The following HACE1 variants were observed in gnomAD, a reference collection of about 807,000 sequenced individuals.
The protein encoded by HACE1 is HECT domain and ankyrin repeat containing E3 ubiquitin protein ligase 1, also known as E3 ubiquitin-protein ligase HACE1.
HACE1 carries 73 observed loss-of-function variants against 118.4 expected under a neutral mutation model. That is an observed-to-expected ratio of 0.62 (90% confidence interval 0.51 to 0.75). The LOEUF is 0.75. Ranked by LOEUF, HACE1 falls within the 30% of genes least tolerant of loss-of-function variation. The pLI, the probability that HACE1 is intolerant of heterozygous loss-of-function variation, is 0.00. For missense variants in HACE1, 749 were observed against 1,102.2 expected (o/e 0.68, Z 4.54); for synonymous variants, 368 against 374.8 (o/e 0.98, Z 0.21).
Position 104,837,082 on chromosome 6 carries a change from C to T in HACE1, c.403-3909G>A, listed in dbSNP as rs1774618702. On this transcript the variant is annotated intron_variant, in intron 5 of 23. Transcript: ENST00000262903. Reference sequence around the variant, plus strand: ...AAGATAACAATTCTCCCCAAATTGACCTATCAGTTTAAAGCAACTCCAATC... The same window carrying T: ...AAGATAACAATTCTCCCCAAATTGATCTATCAGTTTAAAGCAACTCCAATC... Among the ~76,000 whole-genome samples, 4 of 152,108 alleles carry T rather than the reference C, an allele frequency of 2.6e-5. No homozygotes were observed. The South Asian group carries it at 8.3e-4, about 32-fold the overall frequency.
chr6:104,837,551 T>C (rs1198278362), intron 5 of HACE1, among the ~76,000 whole-genome samples: 1 of 151,924 alleles, frequency 6.6e-6, no homozygotes, highest in Non-Finnish European at 1.5e-5. Context: ...TAGAAAAAAA[T>C]ATATGAGACA....
intron 1 of HACE1, chr6:104,858,573 A>G: frequency 6.4e-6 from 2 of 314,278 alleles, no homozygotes; most frequent in Middle Eastern, 4.0e-4. Flanking sequence ...AAAGTACCCA[A>G]TCCCACATTT....
chr6:104,808,061 C>T (rs947359351), intron 7 of HACE1, among the ~76,000 whole-genome samples: 1 of 152,094 alleles, frequency 6.6e-6, no homozygotes, highest in Non-Finnish European at 1.5e-5. Flanking sequence ...TGGCGCATGC[C>T]TGTAATGCCA....
intron 6 of HACE1, among the ~76,000 whole-genome samples, chr6:104,816,485 T>C (rs1772130553): frequency 1.3e-5 from 2 of 152,208 alleles, no homozygotes; most frequent in Admixed American, 6.5e-5. Flanking sequence ...CACGTGGTGT[T>C]GGGCCTGCAG....
intron 6 of HACE1, 62 bp downstream of exon 6, chr6:104,832,980 T>C: frequency 6.8e-7 from 1 of 1,480,598 alleles, no homozygotes. Context: ...TGAAAAACTT[T>C]TCATGAAATC....
chr6:104,797,522 A>G (rs968881847), intron 7 of HACE1, among the ~76,000 whole-genome samples: 1 of 152,088 alleles, frequency 6.6e-6, no homozygotes, highest in Non-Finnish European at 1.5e-5. Context: ...AAGGAAGGAG[A>G]AAAGTAAAAC....
chr6:104,823,344 G>C (rs1394282377), intron 6 of HACE1, among the ~76,000 whole-genome samples: 1 of 151,582 alleles, frequency 6.6e-6, no homozygotes, highest in African/African-American at 2.4e-5. Context: ...TGACGCAGGA[G>C]AATCGCTTGA....
At chr6:104,743,705 T>C (rs959962205) in intron 22 of HACE1, among the ~76,000 whole-genome samples, 1 of 152,078 alleles carries the variant, frequency 6.6e-6, no homozygotes, top group Non-Finnish European at 1.5e-5. Flanking sequence ...TTTTAGGCCA[T>C]GAATCTTGAC....
At chr6:104,828,864 A>C (rs1773586043) in intron 6 of HACE1, among the ~76,000 whole-genome samples, 1 of 152,068 alleles carries the variant, frequency 6.6e-6, no homozygotes, top group South Asian at 2.1e-4. Context: ...TTGAAGCAAG[A>C]ATATAGCATT....
At chr6:104,821,216 T>C (rs2115019304) in intron 6 of HACE1, among the ~76,000 whole-genome samples, 1 of 152,210 alleles carries the variant, frequency 6.6e-6, no homozygotes, top group Admixed American at 6.5e-5. Context: ...AGGGAAAGGA[T>C]GAGGCAAAAT....
In HACE1 at chr6:104,796,657, T is replaced by C. The variant is rs768078440; in HGVS notation, c.814A>G (p.Met272Val). 21 of 1,423,420 alleles carry C rather than the reference T, an allele frequency of 1.5e-5. No individual in the cohort carries two copies. In the East Asian group the frequency reaches 2.3e-4, roughly 15 times the overall value. The allele number at this position is 1,423,420 out of a possible 1,614,324, so 88.2% of individuals were successfully genotyped here. A position where few individuals can be genotyped will look rare whatever the true frequency, so the allele number is the denominator to read the frequency against. ...MTQNEDLREN[M>V]LRQVLEHLSQ... Reference sequence around the variant, plus strand: ...AGCTACTATCACAAATACAATACCATGTTTTCTCGGAGGTCTTCATTCTGT... The same window carrying C: ...AGCTACTATCACAAATACAATACCACGTTTTCTCGGAGGTCTTCATTCTGT... Residue 272 changes from methionine (M) to valine (V), a missense_variant and splice_region_variant, in exon 9 of 24, where the codon ATG (methionine) becomes GTG (valine). Around this residue, in one of 5 missense-constraint regions of HACE1, gnomAD observed 267 missense variants for 312.2 expected, o/e 0.86. Transcript: ENST00000262903.
rs572967915 is a variant in HACE1 at position 104,744,046 on chromosome 6, G to A, written c.2513+114C>T. ...TCTTTAATACCTAAAACAGTGGAAA[G>A]GGTGGTAAGTTACTGACAATTCAGA... On this transcript the variant is annotated intron_variant, in intron 22 of 23. Coordinates refer to ENST00000262903, the MANE Select transcript of HACE1 (RefSeq NM_020771.4). 5.5e-6 allele frequency: 4 copies of A among 726,780 alleles called. No individual in the cohort carries two copies. In the East Asian group the frequency reaches 1.0e-4, roughly 18 times the overall value. The allele number at this position is 726,780 out of a possible 1,614,324, so 45.0% of individuals were successfully genotyped here.
At chr6:104,832,533 A>G (rs1416803322) in intron 6 of HACE1, among the ~76,000 whole-genome samples, 1 of 152,054 alleles carries the variant, frequency 6.6e-6, no homozygotes, top group African/African-American at 2.4e-5. Flanking sequence ...AGCTGGGACT[A>G]CGGATGCATG....
At position 104,784,400 on chromosome 6, in the gene HACE1, A is replaced by G; in HGVS notation, c.1478+17T>C. 6 of 1,568,364 alleles carry G rather than the reference A, an allele frequency of 3.8e-6. No homozygotes were observed. The highest frequency in any genetic ancestry group is 5.3e-6 in the Non-Finnish European group (6 of 1,138,342). On this transcript the variant is annotated intron_variant, in intron 13 of 23. Coordinates refer to ENST00000262903, the MANE Select transcript of HACE1 (RefSeq NM_020771.4). ...AGGAAAGGCTAGCAGGGTACTCCAC[A>G]AACCCAGAAAGCTTACCTATTAACA...
At chr6:104,807,804 A>T (rs996744393) in intron 7 of HACE1, among the ~76,000 whole-genome samples, 1 of 152,192 alleles carries the variant, frequency 6.6e-6, no homozygotes, top group Non-Finnish European at 1.5e-5. Context: ...CAGAGTATCC[A>T]GAGAAGAAAA....
Position 104,729,733 on chromosome 6 carries a change from T to C in HACE1, c.2659A>G (p.Ser887Gly). 1 of 1,564,154 alleles carries C rather than the reference T, an allele frequency of 6.4e-7. No homozygotes were observed. The highest frequency in any genetic ancestry group is 8.8e-7 in the Non-Finnish European group (1 of 1,134,984). Reference sequence around the variant, plus strand: ...AGTCTGTCCTTGAGTATTTCTTTACTTGGGTATTCAGGTAACTTGAGCATG... The same window carrying C: ...AGTCTGTCCTTGAGTATTTCTTTACCTGGGTATTCAGGTAACTTGAGCATG... ...INMLKLPEYP[S>G]KEILKDRLLV... is the part of the protein sequence containing the mutation. Residue 887 changes from serine to glycine, a missense_variant, in exon 24 of 24, where the codon AGT becomes GGT. Physicochemically the swap from Ser to Gly is moderately conservative, Grantham distance 56 (BLOSUM62 0). Coordinates refer to ENST00000262903, the MANE Select transcript of HACE1 (RefSeq NM_020771.4).
At chr6:104,808,227 A>G (rs7752814) in intron 7 of HACE1, among the ~76,000 whole-genome samples, 3,574 of 152,144 alleles carry the variant, frequency 0.023, 162 homozygotes, top group African/African-American at 0.083. Flanking sequence ...TAGACAAGAA[A>G]CAAAAGAAAA....
chr6:104,748,643 A>G (rs1354290542), intron 20 of HACE1, among the ~76,000 whole-genome samples: 5 of 152,204 alleles, frequency 3.3e-5, no homozygotes, highest in African/African-American at 1.2e-4. Context: ...CAGTACTTGA[A>G]AGAGCCTGAA....
At chr6:104,732,165 C>T (rs925974532) in intron 22 of HACE1, 2 of 152,094 alleles carry the variant, frequency 1.3e-5, no homozygotes. Context: ...ACAAAATTAA[C>T]AGAATTACAA....
Sources: allele counts gnomAD v4.1 joint callset (sites outside exome capture counted in the v4.1 genomes callset), GRCh38; gene constraint gnomAD v4.1.1; regional missense constraint gnomAD v4.1.1; transcripts MANE v1.5; gene names NCBI Gene and HGNC (gene_info 2026-07-23, HGNC 2026-07-21).